IFI44L: variants seen among roughly 807,000 people sequenced by gnomAD.
The protein encoded by IFI44L is interferon-induced protein 44-like.
Under a neutral mutation model 39.3 loss-of-function variants are expected in IFI44L, and 40 were observed. That is an observed-to-expected ratio of 1.02 (90% CI 0.79 to 1.33). The LOEUF is 1.33. Among genes scored for constraint, IFI44L ranks in the 40% most tolerant of loss-of-function variants. The pLI, the probability that IFI44L is intolerant of heterozygous loss-of-function variation, is 0.00. For synonymous variants in IFI44L, 198 were observed against 182.3 expected (o/e 1.09, Z -0.69); for missense variants, 623 against 549.0 (o/e 1.13, Z -1.35).
intron 4 of IFI44L, 113 bp downstream of exon 4, chr1:78,630,028 T>A (rs1231225951): frequency 6.8e-6 from 7 of 1,028,712 alleles, no homozygotes; most frequent in Admixed American, 2.0e-5. Flanking sequence ...CTAAATCAAA[T>A]GGAAAATAGG....
intron 4 of IFI44L, 130 bp from the exon 5 acceptor site, chr1:78,635,207 A>C: frequency 1.6e-6 from 1 of 641,212 alleles, no homozygotes; most frequent in East Asian, 2.8e-5. Flanking sequence ...AAGAGTCTAA[A>C]GGGGTCCTGA....
chr1:78,637,289 C>T (rs1272956724), intron 6 of IFI44L, 86 bp downstream of exon 6: 1 of 981,990 alleles, frequency 1.0e-6, no homozygotes, highest in Non-Finnish European at 1.5e-6. Flanking sequence ...AGAGATTTCC[C>T]ATGTACCTTT....
intron 1 of IFI44L, among the ~76,000 whole-genome samples, chr1:78,625,348 T>C (rs1652445764): frequency 6.6e-6 from 1 of 152,134 alleles, no homozygotes; most frequent in Non-Finnish European, 1.5e-5. Context: ...TCAAATTTTG[T>C]ATTTACTTTT....
rs747184433 is a variant in IFI44L, at chr1:78,628,944, C to G, written c.479-7C>G. On this transcript the variant is annotated splice_polypyrimidine_tract_variant and splice_region_variant and intron_variant, in intron 2 of 8. Transcript: ENST00000370751. ...AAAATGTATTATGCTATGTTTATTT[C>G]CTATAGGAATTAAGGATAACCTAGA... The G allele has an allele frequency of 1.3e-6, 2 of 1,528,762 alleles. No homozygotes were observed. Among genetic ancestry groups the G allele is most frequent in the Non-Finnish European group, 1.8e-6 (2 of 1,106,098 alleles). The allele number at this position is 1,528,762 out of a possible 1,614,324, so 94.7% of individuals were successfully genotyped here. A position where few individuals can be genotyped will look rare whatever the true frequency, so the allele number is the denominator to read the frequency against.
In IFI44L at chr1:78,623,839, A is replaced by G. The variant is rs371836688; in HGVS notation, c.-11+3268A>G. Among the ~76,000 whole-genome samples, 103 of 152,228 alleles carry G rather than the reference A, an allele frequency of 6.8e-4. 2 individuals carry two copies. The Middle Eastern group carries it at 0.034, about 50-fold the overall frequency. On this transcript the variant is annotated intron_variant, in intron 1 of 8. Coordinates refer to ENST00000370751, the MANE Select transcript of IFI44L (RefSeq NM_006820.4). ...AAGAAGATGGATACTCCAGCTCAAG[A>G]ATAGAGAATTTGCTCTTCCTCTGCC... is the stretch of plus-strand genomic sequence containing the variant.
chr1:78,640,978 G>T, intron 6 of IFI44L, 43 bp from the exon 7 acceptor site: 2 of 1,375,292 alleles, frequency 1.5e-6, no homozygotes, highest in Non-Finnish European at 2.1e-6. Flanking sequence ...TTGACACATT[G>T]CTATTTATGA....
At chr1:78,640,746 C>T (rs775070514) in intron 6 of IFI44L, among the ~76,000 whole-genome samples, 1 of 151,938 alleles carries the variant, frequency 6.6e-6, no homozygotes, top group African/African-American at 2.4e-5. Flanking sequence ...TTCCCCTTGA[C>T]CAATTTAAAA....
chr1:78,641,968 A>G lies in IFI44L; in HGVS notation c.*159A>G. ...TCAAGTTCAAAGGCCAAAACCTGAG[A>G]AGCGGTGGGCTAAGATAGGTCCTAC... On this transcript the variant is annotated 3_prime_UTR_variant, in exon 9 of 9. Transcript: ENST00000370751. 1 of 787,156 alleles carries G rather than the reference A, an allele frequency of 1.3e-6. No homozygotes were observed. The highest frequency in any genetic ancestry group is 2.2e-6 in the Non-Finnish European group (1 of 446,824). 48.8% of individuals were successfully genotyped at this position (787,156 alleles called of 1,614,324 possible).
chr1:78,640,560 G>A (rs909897466), intron 6 of IFI44L, among the ~76,000 whole-genome samples: 2 of 152,076 alleles, frequency 1.3e-5, no homozygotes, highest in African/African-American at 4.8e-5. Flanking sequence ...GATTTGTTTA[G>A]AAGTCAAATG....
chr1:78,632,575 A>G (rs1398371638), intron 4 of IFI44L, among the ~76,000 whole-genome samples: 1 of 152,234 alleles, frequency 6.6e-6, no homozygotes, highest in East Asian at 1.9e-4. Flanking sequence ...AAAATGTCGC[A>G]GATTCCACAT....
At chr1:78,629,472 G>T (rs1652656672) in intron 3 of IFI44L, among the ~76,000 whole-genome samples, 1 of 152,038 alleles carries the variant, frequency 6.6e-6, no homozygotes, top group African/African-American at 2.4e-5. Context: ...GTTGAAAAAT[G>T]GTTTGGTTGC....
intron 6 of IFI44L, among the ~76,000 whole-genome samples, chr1:78,640,527 A>C (rs1646969431): frequency 6.6e-6 from 1 of 152,142 alleles, no homozygotes; most frequent in Non-Finnish European, 1.5e-5. Context: ...CCTCATAAGC[A>C]GTTGTTAGCA....
Position 78,629,763 on chromosome 1 carries a change from T to C in IFI44L, c.571T>C (p.Tyr191His), listed in dbSNP as rs758946670. The C allele has an allele frequency of 1.2e-6, 2 of 1,613,782 alleles. No homozygotes were observed. Among genetic ancestry groups the C allele is most frequent in the East Asian group, 2.2e-5 (1 of 44,862 alleles). ...LLADIRDYRP[Y>H]ADLVSEIRIL... ...AGCAGACATCAGAGACTATAGGCCC[T>C]ATGCAGACTTGGTTTCAGAAATTCG... Residue 191 changes from tyrosine (Y) to histidine (H), a missense_variant, in exon 4 of 9, where the codon TAT becomes CAT. Transcript: ENST00000370751.
rs1394428636 is a variant in IFI44L, at chr1:78,629,853, T to C, written c.661T>C (p.Phe221Leu). The stretch of plus-strand genomic sequence containing the variant: ...TTTTTTCAATTCAGTCAAGTCTATT[T>C]TTCATGGCCATGTGACTGGCCAAGC... ...SSFFNSVKSI[F>L]HGHVTGQAVV... The change falls in exon 4 of 9, where the codon TTT (phenylalanine) becomes CTT (leucine). Residue 221 changes from phenylalanine to leucine, a missense_variant. Coordinates refer to ENST00000370751, the MANE Select transcript of IFI44L (RefSeq NM_006820.4). The C allele has an allele frequency of 6.2e-7, 1 of 1,613,824 alleles. No individual in the cohort carries two copies. Among genetic ancestry groups the C allele is most frequent in the South Asian group, 1.1e-5 (1 of 91,086 alleles).
intron 6 of IFI44L, among the ~76,000 whole-genome samples, chr1:78,638,193 A>G (rs1653022058): frequency 6.6e-6 from 1 of 152,174 alleles, no homozygotes; most frequent in South Asian, 2.1e-4. Flanking sequence ...GACTAATGAC[A>G]TTGAACATCT....
rs1652237583 is a variant in IFI44L, at chr1:78,620,559, C to T, written c.-23C>T. ...AATCCTCAATTTAAGCCTGATCTAA[C>T]CCCTAGAAACAGGTAAGCGACTTTT... On this transcript the variant is annotated 5_prime_UTR_variant, in exon 1 of 9. Transcript: ENST00000370751. 1 of 152,126 alleles carries T rather than the reference C, an allele frequency of 6.6e-6. No homozygotes were observed. Among genetic ancestry groups the T allele is most frequent in the African/African-American group, 2.4e-5 (1 of 41,406 alleles). 9.4% of individuals were successfully genotyped at this position (152,126 alleles called of 1,614,324 possible).
rs1391385773 is a variant in IFI44L at position 78,630,159 on chromosome 1, C to T, written c.723+244C>T. 13 of 386,812 alleles carry T rather than the reference C, an allele frequency of 3.4e-5. No homozygotes were observed. In the East Asian group the frequency reaches 4.2e-4, roughly 13 times the overall value. 24.0% of individuals were successfully genotyped at this position (386,812 alleles called of 1,614,324 possible). A position where few individuals can be genotyped will look rare whatever the true frequency, so the allele number is the denominator to read the frequency against. ...TTTTTAGTATTTGTATAAAAAACAA[C>T]AAAAAATTAAAAACCCTATGAAAAT... is the stretch of plus-strand genomic sequence containing the variant. On this transcript the variant is annotated intron_variant, in intron 4 of 8. Transcript: ENST00000370751.
chr1:78,641,970 G>T lies in IFI44L; in HGVS notation c.*161G>T. Reference sequence around the variant, plus strand: ...AAGTTCAAAGGCCAAAACCTGAGAAGCGGTGGGCTAAGATAGGTCCTACTG... The same window carrying T: ...AAGTTCAAAGGCCAAAACCTGAGAATCGGTGGGCTAAGATAGGTCCTACTG... On this transcript the variant is annotated 3_prime_UTR_variant, in exon 9 of 9. Coordinates refer to ENST00000370751, the MANE Select transcript of IFI44L (RefSeq NM_006820.4). The T allele has an allele frequency of 1.3e-6, 1 of 778,148 alleles. No individual in the cohort carries two copies. Among genetic ancestry groups the T allele is most frequent in the Admixed American group, 1.9e-5 (1 of 53,902 alleles). 48.2% of individuals were successfully genotyped at this position (778,148 alleles called of 1,614,324 possible). A position where few individuals can be genotyped will look rare whatever the true frequency, so the allele number is the denominator to read the frequency against.
intron 3 of IFI44L, 183 bp from the exon 4 acceptor site, chr1:78,629,537 A>G: frequency 2.2e-6 from 1 of 458,116 alleles, no homozygotes; most frequent in Non-Finnish European, 3.8e-6. Flanking sequence ...TTTAAGCACA[A>G]AATGTATAAC....
Sources: gnomAD v4.1 joint callset for allele counts (sites outside exome capture counted in the v4.1 genomes callset) on GRCh38, gnomAD v4.1.1 for gene constraint, MANE v1.5 for transcripts, NCBI Gene and HGNC (gene_info 2026-07-23, HGNC 2026-07-21) for gene names.